The following DTL variants were observed in gnomAD, a reference collection of about 807,000 sequenced individuals.
DTL encodes the protein denticleless E3 ubiquitin protein ligase adapter, also known as denticleless protein homolog.
In DTL, 46 loss-of-function variants were observed where a neutral mutation model predicts 87.0. That is an observed-to-expected ratio of 0.53 (90% CI 0.42 to 0.68). The LOEUF is 0.68. DTL is among the 30% of genes least tolerant of loss of function. DTL has a pLI of 0.00. For synonymous variants in DTL, 308 were observed against 311.2 expected (o/e 0.99, Z 0.11); for missense variants, 737 against 869.4 (o/e 0.85, Z 1.91).
intron 5 of DTL, among the ~76,000 whole-genome samples, chr1:212,054,077 C>T (rs1164241393): frequency 3.3e-5 from 5 of 152,204 alleles, no homozygotes; most frequent in African/African-American, 1.2e-4. Context: ...AAATTGAAGA[C>T]TGTCACACCT....
In DTL at chr1:212,102,284, A is replaced by AT. The variant is rs796507909; in HGVS notation, c.2095-548dup. The stretch of plus-strand genomic sequence containing the variant: ...CTCTTTATCCCTAGCCAAAATTTCT[A>AT]TTTTTTTTTTCAAGGGAGCTGGTCT... On this transcript the variant is annotated intron_variant, in intron 14 of 14. Coordinates refer to ENST00000366991, the MANE Select transcript of DTL (RefSeq NM_016448.4). 6.1e-3 allele frequency among the ~76,000 whole-genome samples: 907 copies of AT among 149,644 alleles called. 8 individuals carry two copies. The highest frequency in any genetic ancestry group is 0.02 in the African/African-American group (830 of 40,886).
At chr1:212,079,195 A>G (rs746209410) in intron 12 of DTL, among the ~76,000 whole-genome samples, 3 of 151,902 alleles carry the variant, frequency 2.0e-5, no homozygotes, top group Non-Finnish European at 2.9e-5. Flanking sequence ...CCAAAATTAC[A>G]TATTAATGAT....
intron 12 of DTL, 115 bp from the exon 13 acceptor site, chr1:212,080,500 T>G: frequency 1.1e-6 from 1 of 924,216 alleles, no homozygotes; most frequent in East Asian, 2.5e-5. Context: ...TTCTATATCC[T>G]GTTTATTAGA....
chr1:212,097,563 G>A (rs183983224), intron 13 of DTL, among the ~76,000 whole-genome samples: 28 of 152,156 alleles, frequency 1.8e-4, no homozygotes, highest in Admixed American at 5.2e-4. Context: ...TTCATTTCCA[G>A]AAGTCATGAT....
intron 13 of DTL, among the ~76,000 whole-genome samples, chr1:212,092,058 C>A (rs1385454040): frequency 6.6e-6 from 1 of 152,054 alleles, no homozygotes; most frequent in Non-Finnish European, 1.5e-5. Flanking sequence ...TTTGGTGCAC[C>A]CATCACCCAA....
Position 212,104,637 on chromosome 1 carries a change from C to T in DTL, c.*1697C>T, listed in dbSNP as rs188722724. The T allele has an allele frequency of 6.6e-6, 1 of 152,094 alleles. No homozygotes were observed. The highest frequency in any genetic ancestry group is 1.5e-5 in the Non-Finnish European group (1 of 68,012). 9.4% of individuals were successfully genotyped at this position (152,094 alleles called of 1,614,324 possible). On this transcript the variant is annotated 3_prime_UTR_variant, in exon 15 of 15. Transcript: ENST00000366991. ...AAAGTAGATGATTTTGTTTGTATCC[C>T]TACCCATCTCCTGGCAGCCCTACTG...
intron 13 of DTL, among the ~76,000 whole-genome samples, chr1:212,091,074 G>A (rs1167694492): frequency 2.0e-5 from 3 of 152,158 alleles, no homozygotes; most frequent in African/African-American, 7.2e-5. Context: ...TGATAAATCT[G>A]TATTAATGTG....
intron 13 of DTL, among the ~76,000 whole-genome samples, chr1:212,087,836 C>A (rs1346499624): frequency 6.6e-6 from 1 of 152,180 alleles, no homozygotes; most frequent in East Asian, 1.9e-4. Flanking sequence ...CATTGCTGTC[C>A]TGGGCTGCTT....
rs1345569791 is a variant in DTL at position 212,101,088 on chromosome 1, A to C, written c.2094+4A>C. On this transcript the variant is annotated splice_donor_region_variant and intron_variant, in intron 14 of 14. Transcript: ENST00000366991. ...CGGAAAGAAATTGCCAAGCCCGGTA[A>C]GTCAGCAGTGGTGGGAAGATACATT... 1 of 1,593,456 alleles carries C rather than the reference A, an allele frequency of 6.3e-7. No individual in the cohort carries two copies. The highest frequency in any genetic ancestry group is 8.6e-7 in the Non-Finnish European group (1 of 1,169,358).
At chr1:212,049,235 T>G (rs940240894) in intron 5 of DTL, among the ~76,000 whole-genome samples, 1 of 152,202 alleles carries the variant, frequency 6.6e-6, no homozygotes, top group Admixed American at 6.5e-5. Context: ...GCTTGGACTT[T>G]TAAGAAAGTC....
rs766324410 is a variant in DTL at position 212,043,097 on chromosome 1, TTTGGATGTACCTTCTC to T, written c.160_175del (p.Gly54LeufsTer9). The stretch of plus-strand genomic sequence containing the variant: ...AGAAACAGGAGTCCCAGTTCCTCCT[TTTGGATGTACCTTCTC>T]TTCTGGTAAGAGAATTACTATCTAG... On this transcript the variant is annotated frameshift_variant, in exon 2 of 15. Coordinates refer to ENST00000366991, the MANE Select transcript of DTL (RefSeq NM_016448.4). LOFTEE classifies it high-confidence loss of function. 1 of 1,612,908 alleles carries T rather than the reference TTTGGATGTACCTTCTC, an allele frequency of 6.2e-7. No individual in the cohort carries two copies. The highest frequency in any genetic ancestry group is 1.3e-5 in the African/African-American group (1 of 74,864).
At chr1:212,084,785 T>C (rs972095306) in intron 13 of DTL, among the ~76,000 whole-genome samples, 2 of 152,156 alleles carry the variant, frequency 1.3e-5, no homozygotes. Flanking sequence ...ATACTCCTCA[T>C]CCTCCTAACA....
Position 212,068,679 on chromosome 1 carries a change from A to G in DTL, c.898A>G (p.Met300Val), listed in dbSNP as rs1414294717. 5 of 1,611,074 alleles carry G rather than the reference A, an allele frequency of 3.1e-6. No homozygotes were observed. The highest frequency in any genetic ancestry group is 4.2e-6 in the Non-Finnish European group (5 of 1,177,730). ...CTDDNIYMFNMTGLKTSPVAI... is the reference protein window; with the variant it reads ...CTDDNIYMFNVTGLKTSPVAI... ...AGACGATAACATCTACATGTTTAAT[A>G]TGACTGGGTTGAAGACTTCTCCAGG... The change falls in exon 10 of 15, where the codon ATG becomes GTG. Residue 300 changes from methionine (M) to valine (V), a missense_variant. Coordinates refer to ENST00000366991, the MANE Select transcript of DTL (RefSeq NM_016448.4).
chr1:212,071,165 C>T (rs930951675), intron 10 of DTL, among the ~76,000 whole-genome samples: 5 of 152,122 alleles, frequency 3.3e-5, no homozygotes, highest in African/African-American at 1.2e-4. Context: ...AAGTTCTTTT[C>T]CAGCTTTATT....
intron 13 of DTL, among the ~76,000 whole-genome samples, chr1:212,081,912 A>G (rs1055248721): frequency 6.6e-6 from 1 of 152,078 alleles, no homozygotes; most frequent in Non-Finnish European, 1.5e-5. Context: ...TCAGGGAGGC[A>G]TTTCGATGTT....
intron 13 of DTL, among the ~76,000 whole-genome samples, chr1:212,095,840 T>G (rs1655430182): frequency 6.6e-6 from 1 of 152,214 alleles, no homozygotes; most frequent in African/African-American, 2.4e-5. Flanking sequence ...GTTTTCTTTT[T>G]TGTCATGTCC....
In DTL at chr1:212,062,949, G is replaced by C; in HGVS notation, c.526G>C (p.Asp176His). 1 of 1,609,976 alleles carries C rather than the reference G, an allele frequency of 6.2e-7. No homozygotes were observed. The highest frequency in any genetic ancestry group is 8.5e-7 in the Non-Finnish European group (1 of 1,176,390). Residue 176 changes from aspartate (D) to histidine (H), a missense_variant and splice_region_variant, in exon 6 of 15, where the codon GAT becomes CAT. Asp to His is a moderately conservative substitution (Grantham distance 81). Transcript: ENST00000366991. Reference protein sequence around the residue: ...MVWDTRCNKKDGFYRQVNQIS... With the variant: ...MVWDTRCNKKHGFYRQVNQIS... ...CTGGGATACCAGGTGCAACAAAAAA[G>C]GTTATCTAGATCTATTTTAATTTTG...
intron 13 of DTL, among the ~76,000 whole-genome samples, chr1:212,091,840 GC>G (rs1160545808): frequency 1.3e-5 from 2 of 152,084 alleles, no homozygotes; most frequent in Non-Finnish European, 2.9e-5. Flanking sequence ...ATGTTAGTTG[GC>G]TTGATTTAAT....
chr1:212,094,017 A>T (rs764339869), intron 13 of DTL, among the ~76,000 whole-genome samples: 21 of 152,180 alleles, frequency 1.4e-4, no homozygotes, highest in Admixed American at 2.6e-4. Context: ...TGTTGGTTGC[A>T]TAGATTGTGA....
Sources: gnomAD v4.1 joint callset for allele counts (sites outside exome capture counted in the v4.1 genomes callset) on GRCh38, gnomAD v4.1.1 for gene constraint, MANE v1.5 for transcripts, NCBI Gene and HGNC (gene_info 2026-07-23, HGNC 2026-07-21) for gene names.